Variants in SLIT3 observed in about 807,000 individuals in gnomAD.
SLIT3 encodes slit homolog 3 protein.
A neutral mutation model predicts 184.0 loss-of-function variants in SLIT3; 68 were observed. The ratio of observed to expected loss-of-function variants is 0.37; its 90% CI spans 0.30 to 0.45. SLIT3 has a LOEUF of 0.45. Ranked by LOEUF, SLIT3 falls within the 20% of genes least tolerant of loss-of-function variation. The pLI is 1.00. For synonymous variants in SLIT3, 831 were observed against 828.6 expected, an observed-to-expected ratio of 1.00 and a Z score of -0.05; for missense variants, 1,707 against 2,026.0, an observed-to-expected ratio of 0.84 and a Z score of 3.02.
At chr5:169,285,545 T>A (rs900954193) in intron 1 of SLIT3, among the ~76,000 whole-genome samples, 6 of 152,194 alleles carry the variant, frequency 3.9e-5, no homozygotes, top group East Asian at 3.9e-4. Context: ...CTTGTACTGT[T>A]CAGAGCCACA....
chr5:169,255,587 T>C (rs1765929511), intron 1 of SLIT3, among the ~76,000 whole-genome samples: 1 of 152,168 alleles, frequency 6.6e-6, no homozygotes, highest in African/African-American at 2.4e-5. Context: ...TAAAAGTTTA[T>C]AAAGTTAAAA....
chr5:169,214,117 A>G (rs1764359416), intron 3 of SLIT3, among the ~76,000 whole-genome samples: 1 of 146,508 alleles, frequency 6.8e-6, no homozygotes, highest in Non-Finnish European at 1.5e-5. Context: ...AATGGAAAGA[A>G]GACAAACACC....
At chr5:169,193,455 A>T in intron 4 of SLIT3, 24 bp downstream of exon 4, 1 of 1,605,820 alleles carries the variant, frequency 6.2e-7, no homozygotes, top group Non-Finnish European at 8.5e-7. Flanking sequence ...CACAAGGTAG[A>T]GAACACAAGG....
intron 4 of SLIT3, among the ~76,000 whole-genome samples, chr5:168,884,641 G>T (rs2113794611): frequency 7.4e-6 from 1 of 135,422 alleles, no homozygotes; most frequent in East Asian, 2.2e-4. Flanking sequence ...ATTTTTGCTT[G>T]CTATATTGAG....
In SLIT3 at chr5:168,872,038, C is replaced by A. The variant is rs960772619; in HGVS notation, c.485+11227G>T. The stretch of plus-strand genomic sequence containing the variant: ...GACTTTCACACTCATACGCTTCACA[C>A]TGTGGCTGGGAAGCTGAGTCAGGGC... On this transcript the variant is annotated intron_variant, in intron 5 of 35. Coordinates refer to ENST00000519560, the MANE Select transcript of SLIT3 (RefSeq NM_003062.4). Among the ~76,000 whole-genome samples the A allele has an allele frequency of 3.3e-5, 5 of 152,240 alleles. No individual in the cohort carries two copies. In the East Asian group the frequency reaches 9.6e-4, roughly 29 times the overall value.
chr5:168,961,394 C>T (rs1256829150), intron 4 of SLIT3, among the ~76,000 whole-genome samples: 1 of 152,182 alleles, frequency 6.6e-6, no homozygotes, highest in Non-Finnish European at 1.5e-5. Flanking sequence ...AAGCTGTAGA[C>T]AGACTCTATG....
At chr5:169,129,741 A>G (rs1761221731) in intron 4 of SLIT3, among the ~76,000 whole-genome samples, 2 of 152,198 alleles carry the variant, frequency 1.3e-5, no homozygotes, top group Admixed American at 1.3e-4. Flanking sequence ...AGAAGAGGAT[A>G]TTAATGGGAA....
chr5:168,701,808 C>T (rs977861300), intron 26 of SLIT3, among the ~76,000 whole-genome samples: 1 of 152,224 alleles, frequency 6.6e-6, no homozygotes, highest in Non-Finnish European at 1.5e-5. Context: ...ATCATGGGAG[C>T]CCACCCACTG....
intron 20 of SLIT3, among the ~76,000 whole-genome samples, chr5:168,746,585 T>G: frequency 9.5e-6 from 1 of 104,952 alleles, no homozygotes. Flanking sequence ...TGGTGTGTGG[T>G]GTGTGAGTGT....
At chr5:169,289,662 G>C (rs1390811327) in intron 1 of SLIT3, among the ~76,000 whole-genome samples, 4 of 152,362 alleles carry the variant, frequency 2.6e-5, no homozygotes, top group African/African-American at 9.6e-5. Context: ...CTGGGGTTCT[G>C]ATGGTGACAG....
rs1022286096 is a variant in SLIT3 at position 169,300,848 on chromosome 5, C to T, written c.-139G>A. Reference sequence around the variant, plus strand: ...GCGGAGGAGGGGCGAGCTCGGTGCTCAGGCGCACGGGGCGCGGGCGGAGCG... The same window carrying T: ...GCGGAGGAGGGGCGAGCTCGGTGCTTAGGCGCACGGGGCGCGGGCGGAGCG... On this transcript the variant is annotated 5_prime_UTR_variant, in exon 1 of 36. The change abolishes the stop of an existing upstream ORF in the 5' untranslated region. Coordinates refer to ENST00000519560, the MANE Select transcript of SLIT3 (RefSeq NM_003062.4). This position sits in a 1 kb window ranked among gnomAD's most constrained non-coding sequence, Gnocchi z 4.1. The T allele has an allele frequency of 8.2e-4, 707 of 862,782 alleles. No individual in the cohort carries two copies. The highest frequency in any genetic ancestry group is 1.0e-3 in the Non-Finnish European group (677 of 663,402). 53.4% of individuals were successfully genotyped at this position (862,782 alleles called of 1,614,324 possible). A position where few individuals can be genotyped will look rare whatever the true frequency, so the allele number is the denominator to read the frequency against.
chr5:169,251,850 G>A (rs954606145), intron 1 of SLIT3, among the ~76,000 whole-genome samples: 2 of 152,128 alleles, frequency 1.3e-5, no homozygotes, highest in African/African-American at 4.8e-5. Context: ...CACAGCAAAT[G>A]TTTCAGAAAT....
At chr5:168,748,457 T>G (rs1207730355) in intron 19 of SLIT3, 23 bp from the exon 20 acceptor site, 1 of 1,511,242 alleles carries the variant, frequency 6.6e-7, no homozygotes, top group Non-Finnish European at 8.7e-7. Flanking sequence ...CCAGAGAGGG[T>G]GAGGGTTGTG....
intron 4 of SLIT3, among the ~76,000 whole-genome samples, chr5:169,071,428 A>G (rs1316864431): frequency 6.6e-6 from 1 of 152,240 alleles, no homozygotes; most frequent in Non-Finnish European, 1.5e-5. Context: ...TGGGCAAAAT[A>G]AAGAGGAGAA....
chr5:168,947,937 T>C (rs1043192122), intron 4 of SLIT3, among the ~76,000 whole-genome samples: 1 of 151,794 alleles, frequency 6.6e-6, no homozygotes, highest in Non-Finnish European at 1.5e-5. Flanking sequence ...ATGACAGGCA[T>C]GCACCACCAC....
intron 3 of SLIT3, among the ~76,000 whole-genome samples, chr5:169,237,241 CT>C (rs766438301): frequency 4.5e-4 from 69 of 152,278 alleles, no homozygotes; most frequent in Non-Finnish European, 5.9e-4. Flanking sequence ...TCCTACATGA[CT>C]TTTTAAAAAT....
chr5:168,905,833 C>T (rs1761032346), intron 4 of SLIT3, among the ~76,000 whole-genome samples: 1 of 152,168 alleles, frequency 6.6e-6, no homozygotes, highest in African/African-American at 2.4e-5. Context: ...AATATTTAGG[C>T]ACACGTGGGC....
chr5:169,201,544 A>G (rs1763904089), intron 3 of SLIT3, among the ~76,000 whole-genome samples: 1 of 152,178 alleles, frequency 6.6e-6, no homozygotes, highest in Non-Finnish European at 1.5e-5. Context: ...ATGTCCCAAG[A>G]GGTTGGAAAT....
chr5:169,284,495 C>A (rs941366934), intron 1 of SLIT3, among the ~76,000 whole-genome samples: 3 of 152,136 alleles, frequency 2.0e-5, no homozygotes, highest in African/African-American at 4.8e-5. Context: ...AACAAAAGAA[C>A]ACAAATTGTT....
Sources: gnomAD v4.1 joint callset for allele counts (sites outside exome capture counted in the v4.1 genomes callset) on GRCh38, gnomAD v4.1.1 for gene constraint, Gnocchi (gnomAD v3.1) non-coding constraint, MANE v1.5 for transcripts, NCBI Gene and HGNC (gene_info 2026-07-23, HGNC 2026-07-21) for gene names.